The following AGPAT4 variants were observed in gnomAD, a reference collection of about 807,000 sequenced individuals.
AGPAT4 encodes 1-acyl-sn-glycerol-3-phosphate acyltransferase delta.
Under a neutral mutation model 48.0 loss-of-function variants are expected in AGPAT4, and 15 were observed. The observed-to-expected ratio is 0.31, with a 90% CI of 0.21 to 0.48. The LOEUF is 0.48. Ranked by LOEUF, AGPAT4 falls within the 20% of genes least tolerant of loss-of-function variation. The pLI, the probability that AGPAT4 is intolerant of heterozygous loss-of-function variation, is 0.99. For synonymous variants in AGPAT4, 178 were observed against 198.7 expected, an observed-to-expected ratio of 0.90 and a Z score of 0.88; for missense variants, 314 against 482.5, an observed-to-expected ratio of 0.65 and a Z score of 3.27.
intron 2 of AGPAT4, among the ~76,000 whole-genome samples, chr6:161,179,156 C>G (rs758257783): frequency 1.3e-5 from 2 of 152,056 alleles, no homozygotes; most frequent in Non-Finnish European, 1.5e-5. Context: ...ACTCAGGGGG[C>G]CATAAAGAGG....
At chr6:161,181,709 G>A (rs1457135448) in intron 2 of AGPAT4, among the ~76,000 whole-genome samples, 1 of 152,140 alleles carries the variant, frequency 6.6e-6, no homozygotes. Flanking sequence ...TGGGAGCCCA[G>A]CTGTGCCTGC....
rs1188098153 is a variant in AGPAT4 at position 161,226,645 on chromosome 6, G to A, written c.178+5391C>T. 6.6e-6 allele frequency among the ~76,000 whole-genome samples: 1 copy of A among 152,230 alleles called. No individual in the cohort carries two copies. Among genetic ancestry groups the A allele is most frequent in the Non-Finnish European group, 1.5e-5 (1 of 68,038 alleles). ...AGAGTCAGAAAGGCAGCCAGGCAGG[G>A]CTGGAGAGCTAGGTTCACTTTGTAT... is the stretch of plus-strand genomic sequence containing the variant. On this transcript the variant is annotated intron_variant, in intron 2 of 8. Coordinates refer to ENST00000320285, the MANE Select transcript of AGPAT4 (RefSeq NM_020133.3). This position sits in a 1 kb window ranked among gnomAD's most constrained non-coding sequence, Gnocchi z 6.3.
rs1369128237 is a variant in AGPAT4 at position 161,217,096 on chromosome 6, A to G, written c.178+14940T>C. ...TTAGGTGTTTTATCATTAGGGCCTG[A>G]CTCCGCGTTTCAGCAATGAAAGATG... is the stretch of plus-strand genomic sequence containing the variant. On this transcript the variant is annotated intron_variant, in intron 2 of 8. Transcript: ENST00000320285. The surrounding 1 kb of genome is among the most constrained non-coding windows in gnomAD (Gnocchi z 4.9). Among the ~76,000 whole-genome samples, 5 of 151,890 alleles carry G rather than the reference A, an allele frequency of 3.3e-5. No individual in the cohort carries two copies. The highest frequency in any genetic ancestry group is 7.4e-5 in the Non-Finnish European group (5 of 67,990).
rs1161527299 is a variant in AGPAT4, at chr6:161,249,210, AC to A, written c.-89-16909del. ...AAGTGTAAAATCCAAAACTATAAAA[AC>A]CCTGGAAGATGACCTAAGCAATACC... On this transcript the variant is annotated intron_variant, in intron 1 of 8. Coordinates refer to ENST00000320285, the MANE Select transcript of AGPAT4 (RefSeq NM_020133.3). This position sits in a 1 kb window ranked among gnomAD's most constrained non-coding sequence, Gnocchi z 6.2. Among the ~76,000 whole-genome samples, 2 of 152,194 alleles carry A rather than the reference AC, an allele frequency of 1.3e-5. No individual in the cohort carries two copies. Among genetic ancestry groups the A allele is most frequent in the African/African-American group, 4.8e-5 (2 of 41,430 alleles).
intron 2 of AGPAT4, among the ~76,000 whole-genome samples, chr6:161,227,931 C>T (rs1342093714): frequency 6.6e-6 from 1 of 152,116 alleles, no homozygotes; most frequent in Non-Finnish European, 1.5e-5. Flanking sequence ...ATTCTAAACC[C>T]TTTATTAGAA....
rs770232782 is a variant in AGPAT4 at position 161,135,436 on chromosome 6, A to G, written c.*1104T>C. The G allele has an allele frequency of 5.3e-5, 8 of 152,224 alleles. No homozygotes were observed. The highest frequency in any genetic ancestry group is 1.2e-4 in the Non-Finnish European group (8 of 68,050). 9.4% of individuals were successfully genotyped at this position (152,224 alleles called of 1,614,324 possible). ...GTCTGCAAAGGCCGCTGGAGATGCT[A>G]CAGGGCAGAACTATTCCGTGGAGTA... On this transcript the variant is annotated 3_prime_UTR_variant, in exon 9 of 9. Transcript: ENST00000320285.
chr6:161,246,496 G>A lies in AGPAT4; in HGVS notation c.-89-14194C>T, dbSNP rs192708722. The stretch of plus-strand genomic sequence containing the variant: ...GTGATCTCAGCTCACTGCAACCTCC[G>A]CCTCTCAAGTTCAAGCGATTCTCCT... On this transcript the variant is annotated intron_variant, in intron 1 of 8. Coordinates refer to ENST00000320285, the MANE Select transcript of AGPAT4 (RefSeq NM_020133.3). The surrounding 1 kb of genome is among the most constrained non-coding windows in gnomAD (Gnocchi z 5.5). Among the ~76,000 whole-genome samples, 53 of 151,398 alleles carry A rather than the reference G, an allele frequency of 3.5e-4. No individual in the cohort carries two copies. The highest frequency in any genetic ancestry group is 6.5e-4 in the Non-Finnish European group (44 of 67,914).
chr6:161,223,905 T>C lies in AGPAT4; in HGVS notation c.178+8131A>G, dbSNP rs1781898792. Among the ~76,000 whole-genome samples the C allele has an allele frequency of 6.6e-6, 1 of 152,218 alleles. No homozygotes were observed. Among genetic ancestry groups the C allele is most frequent in the South Asian group, 2.1e-4 (1 of 4,834 alleles). ...CTACTCAAAACAGTTCCTGGAACAG[T>C]AAGTGCTCAGTAAATACTAGCTGGC... On this transcript the variant is annotated intron_variant, in intron 2 of 8. Coordinates refer to ENST00000320285, the MANE Select transcript of AGPAT4 (RefSeq NM_020133.3). This position sits in a 1 kb window ranked among gnomAD's most constrained non-coding sequence, Gnocchi z 6.3.
chr6:161,209,702 G>A (rs956248551), intron 2 of AGPAT4, among the ~76,000 whole-genome samples: 3 of 152,170 alleles, frequency 2.0e-5, no homozygotes, highest in Admixed American at 6.5e-5. Flanking sequence ...AAAAGAGCAC[G>A]GAATGGGTCC....
At position 161,146,538 on chromosome 6, in the gene AGPAT4, G is replaced by C. The variant is rs1385383921; in HGVS notation, c.829C>G (p.Leu277Val). ...DDECSAWLHK[L>V]YQEKDAFQEE... ...AGTGCACTGACCTTCTCCTGGTAGAGCTTGTGCAGCCAGGCCGAGCACTCG... is the reference window on the plus strand; with the variant it reads ...AGTGCACTGACCTTCTCCTGGTAGACCTTGTGCAGCCAGGCCGAGCACTCG... Residue 277 changes from leucine (L) to valine (V), a missense_variant, in exon 7 of 9, where the codon CTC becomes GTC. Transcript: ENST00000320285. The surrounding 1 kb of genome is among the most constrained non-coding windows in gnomAD (Gnocchi z 7.1). The C allele has an allele frequency of 6.2e-7, 1 of 1,614,004 alleles. No individual in the cohort carries two copies. The highest frequency in any genetic ancestry group is 8.5e-7 in the Non-Finnish European group (1 of 1,180,032).
intron 2 of AGPAT4, among the ~76,000 whole-genome samples, chr6:161,167,673 A>C (rs1780144971): frequency 2.0e-5 from 3 of 151,584 alleles, no homozygotes; most frequent in African/African-American, 7.3e-5. Context: ...CTGTCCTTGG[A>C]AACTTTTCTC....
intron 1 of AGPAT4, among the ~76,000 whole-genome samples, chr6:161,258,675 A>G (rs1161863850): frequency 6.6e-6 from 1 of 152,108 alleles, no homozygotes; most frequent in Non-Finnish European, 1.5e-5. Context: ...TCCCCGCAAA[A>G]AACACAGAAA....
rs1485564180 is a variant in AGPAT4 at position 161,159,986 on chromosome 6, GGA to G, written c.349-5678_349-5677del. ...GGAGTCTTGCTCTGTTGCCCAGGCT[GGA>G]GTGCAGTGGTGCAATCTCAGCTCAC... On this transcript the variant is annotated intron_variant, in intron 3 of 8. Transcript: ENST00000320285. The surrounding 1 kb of genome is among the most constrained non-coding windows in gnomAD (Gnocchi z 4.1). 2.0e-5 allele frequency: 3 copies of G among 150,760 alleles called. No individual in the cohort carries two copies. The highest frequency in any genetic ancestry group is 4.4e-5 in the Non-Finnish European group (3 of 68,180). 9.3% of individuals were successfully genotyped at this position (150,760 alleles called of 1,614,324 possible). A position where few individuals can be genotyped will look rare whatever the true frequency, so the allele number is the denominator to read the frequency against.
intron 2 of AGPAT4, among the ~76,000 whole-genome samples, chr6:161,188,931 T>G (rs781496724): frequency 6.6e-6 from 1 of 152,182 alleles, no homozygotes. Flanking sequence ...ATGCCCATTC[T>G]GGGGGCAGAA....
rs562021296 is a variant in AGPAT4 at position 161,259,504 on chromosome 6, C to T, written c.-90+14434G>A. Among the ~76,000 whole-genome samples the T allele has an allele frequency of 7.3e-5, 11 of 151,640 alleles. No individual in the cohort carries two copies. The East Asian group carries it at 2.2e-3, about 30-fold the overall frequency. ...GTTGAGTCTAGAGTTAGTGAGTTTTCACACATGTGCCACACTACCAGCACG... is the reference window on the plus strand; with the variant it reads ...GTTGAGTCTAGAGTTAGTGAGTTTTTACACATGTGCCACACTACCAGCACG... On this transcript the variant is annotated intron_variant, in intron 1 of 8. Transcript: ENST00000320285. The surrounding 1 kb of genome is among the most constrained non-coding windows in gnomAD (Gnocchi z 4.9).
In AGPAT4 at chr6:161,153,338, T is replaced by G; in HGVS notation, c.664+8A>C. ...CGGGGAGGCCCAGGGCCACGCACTCTTCCTTACCTACATTTCTCAAGCTCC... is the reference window on the plus strand; with the variant it reads ...CGGGGAGGCCCAGGGCCACGCACTCGTCCTTACCTACATTTCTCAAGCTCC... On this transcript the variant is annotated splice_region_variant and intron_variant, in intron 5 of 8. Transcript: ENST00000320285. The G allele has an allele frequency of 6.2e-7, 1 of 1,603,962 alleles. No homozygotes were observed. The highest frequency in any genetic ancestry group is 1.1e-5 in the South Asian group (1 of 89,038).
At chr6:161,179,349 T>C (rs1780521113) in intron 2 of AGPAT4, among the ~76,000 whole-genome samples, 1 of 152,118 alleles carries the variant, frequency 6.6e-6, no homozygotes, top group Non-Finnish European at 1.5e-5. Context: ...TAAAACATGA[T>C]TGCAGTGCGG....
At position 161,218,742 on chromosome 6, in the gene AGPAT4, T is replaced by A. The variant is rs1562342960; in HGVS notation, c.178+13294A>T. On this transcript the variant is annotated intron_variant, in intron 2 of 8. Transcript: ENST00000320285. This position sits in a 1 kb window ranked among gnomAD's most constrained non-coding sequence, Gnocchi z 4.7. ...ACTGCTGTCCTCAACACTTTCCATA[T>A]CATGTAACCATATACTCTGAGGTGG... is the stretch of plus-strand genomic sequence containing the variant. Among the ~76,000 whole-genome samples the A allele has an allele frequency of 6.6e-6, 1 of 152,340 alleles. No homozygotes were observed. Among genetic ancestry groups the A allele is most frequent in the South Asian group, 2.1e-4 (1 of 4,832 alleles).
chr6:161,204,784 C>T lies in AGPAT4; in HGVS notation c.178+27252G>A, dbSNP rs1444557185. On this transcript the variant is annotated intron_variant, in intron 2 of 8. Coordinates refer to ENST00000320285, the MANE Select transcript of AGPAT4 (RefSeq NM_020133.3). This position sits in a 1 kb window ranked among gnomAD's most constrained non-coding sequence, Gnocchi z 4.4. ...CTGATCAAAGAGGCAGGAGCTTTTT[C>T]CCCAGAGTGAAACACATATTTTCAG... Among the ~76,000 whole-genome samples the T allele has an allele frequency of 2.6e-5, 4 of 152,060 alleles. No homozygotes were observed. The highest frequency in any genetic ancestry group is 7.2e-5 in the African/African-American group (3 of 41,406).
Sources: gnomAD v4.1 joint callset for allele counts (sites outside exome capture counted in the v4.1 genomes callset) on GRCh38, gnomAD v4.1.1 for gene constraint, Gnocchi (gnomAD v3.1) non-coding constraint, MANE v1.5 for transcripts, NCBI Gene and HGNC (gene_info 2026-07-23, HGNC 2026-07-21) for gene names.